Variants in PRH1 observed in about 807,000 individuals in gnomAD.
PRH1 encodes proline rich protein HaeIII subfamily 1.
PRH1 carries 7 observed loss-of-function variants against 7.9 expected under a neutral mutation model. That is an observed-to-expected ratio of 0.89 (90% confidence interval 0.50 to 1.67). The LOEUF is 1.67. Ranked by LOEUF, PRH1 falls within the 40% of genes most tolerant of loss-of-function variation. PRH1 has a pLI of 0.00. For synonymous variants in PRH1, 45 were observed against 80.8 expected, an observed-to-expected ratio of 0.56 and a Z score of 2.38; for missense variants, 109 against 223.6, an observed-to-expected ratio of 0.49 and a Z score of 3.27.
At chr12:10,925,098 A>G (rs1307862666) in intron 2 of PRH1, among the ~76,000 whole-genome samples, 3 of 152,182 alleles carry the variant, frequency 2.0e-5, no homozygotes, top group African/African-American at 7.2e-5. Flanking sequence ...ATTCAACTGT[A>G]AAAGTGGCAA....
At chr12:10,970,937 T>C (rs1938784299) in intron 2 of PRH1, among the ~76,000 whole-genome samples, 1 of 152,252 alleles carries the variant, frequency 6.6e-6, no homozygotes, top group Non-Finnish European at 1.5e-5. Context: ...ACTCTAATAA[T>C]TACAGTTCTA....
intron 1 of PRH1, among the ~76,000 whole-genome samples, chr12:11,111,740 G>T (rs1592035299): frequency 6.6e-6 from 1 of 152,258 alleles, no homozygotes; most frequent in South Asian, 2.1e-4. Flanking sequence ...ACAATTAAAA[G>T]AACTGGAGAA....
chr12:10,980,418 T>A (rs1939298044), intron 1 of PRH1, among the ~76,000 whole-genome samples: 1 of 152,150 alleles, frequency 6.6e-6, no homozygotes, highest in South Asian at 2.1e-4. Context: ...TGAGTCACTA[T>A]CACTCTGAAT....
At chr12:10,980,925 G>A (rs891755879) in intron 1 of PRH1, among the ~76,000 whole-genome samples, 1 of 152,220 alleles carries the variant, frequency 6.6e-6, no homozygotes, top group Non-Finnish European at 1.5e-5. Context: ...CAATGAAGTG[G>A]TGACAACAGC....
At position 11,106,175 on chromosome 12, in the gene PRH1, C is replaced by T. The variant is rs1945408119; in HGVS notation, n.124-58987G>A. 6.3e-5 allele frequency among the ~76,000 whole-genome samples: 3 copies of T among 47,250 alleles called. 1 individual carries two copies. The South Asian group carries it at 1.2e-3, about 18-fold the overall frequency. 31.0% of individuals were successfully genotyped at this position (47,250 alleles called of 152,430 possible). A position where few individuals can be genotyped will look rare whatever the true frequency, so the allele number is the denominator to read the frequency against. The stretch of plus-strand genomic sequence containing the variant: ...CAGGATGGTCTCGATCTCCTGACCT[C>T]GTGATCCGCCCGCCTCGGCCTCCCA... On this transcript the variant is annotated intron_variant and non_coding_transcript_variant, in intron 1 of 4. Transcript: ENST00000541977.
intron 2 of PRH1, among the ~76,000 whole-genome samples, chr12:10,951,535 A>G (rs1008058658): frequency 6.6e-6 from 1 of 152,186 alleles, no homozygotes; most frequent in Non-Finnish European, 1.5e-5. Context: ...CAGTTTCCAA[A>G]ATGGAAAATA....
chr12:11,045,523 C>T (rs567359059), intron 1 of PRH1, among the ~76,000 whole-genome samples: 13 of 152,104 alleles, frequency 8.5e-5, no homozygotes, highest in Non-Finnish European at 1.8e-4. Context: ...ATCAACACAT[C>T]TCATGTACCC....
At chr12:10,935,503 G>A (rs1371000738) in intron 2 of PRH1, among the ~76,000 whole-genome samples, 1 of 152,140 alleles carries the variant, frequency 6.6e-6, no homozygotes, top group Non-Finnish European at 1.5e-5. Context: ...GTTAAAGCCA[G>A]ATAGGGACAA....
intron 2 of PRH1, among the ~76,000 whole-genome samples, chr12:10,900,237 C>T (rs1379727544): frequency 3.9e-5 from 6 of 152,128 alleles, no homozygotes; most frequent in Non-Finnish European, 8.8e-5. Flanking sequence ...ATCTGAGCAA[C>T]CCAGTGCTCA....
At chr12:10,986,112 C>A (rs747228417) in intron 1 of PRH1, 4 of 1,613,918 alleles carry the variant, frequency 2.5e-6, no homozygotes, top group African/African-American at 2.7e-5. Context: ...CCTAGGACTC[C>A]AAACCGAAAC....
At chr12:10,921,102 G>T (rs1427375646) in intron 2 of PRH1, among the ~76,000 whole-genome samples, 1 of 150,932 alleles carries the variant, frequency 6.6e-6, no homozygotes, top group Admixed American at 6.6e-5. Flanking sequence ...CTTTTTTTTA[G>T]CAGTTTTGTG....
chr12:11,030,164 G>A (rs78340693), intron 1 of PRH1, among the ~76,000 whole-genome samples: 59 of 15,904 alleles, frequency 3.7e-3, no homozygotes, highest in East Asian at 0.028. Flanking sequence ...TTGGCAGTTT[G>A]TATGAAAAAA....
chr12:11,049,602 A>T (rs1174810612), upstream of PRH1, among the ~76,000 whole-genome samples: 3 of 152,072 alleles, frequency 2.0e-5, no homozygotes, highest in Non-Finnish European at 4.4e-5. Flanking sequence ...GCATTTTTTT[A>T]ATTGTTTTGC....
At chr12:11,142,029 G>A (rs2136396058) in intron 1 of PRH1, among the ~76,000 whole-genome samples, 1 of 152,172 alleles carries the variant, frequency 6.6e-6, no homozygotes, top group East Asian at 1.9e-4. Context: ...ATGTGCTCAA[G>A]TGGTCCCCTC....
chr12:11,158,081 C>T (rs1413606016), intron 1 of PRH1, among the ~76,000 whole-genome samples: 1 of 152,150 alleles, frequency 6.6e-6, no homozygotes, highest in Non-Finnish European at 1.5e-5. Flanking sequence ...CTATTTTTTC[C>T]CTTTATTCCA....
intron 1 of PRH1, among the ~76,000 whole-genome samples, chr12:11,054,022 TA>T: frequency 2.0e-5 from 3 of 152,262 alleles, no homozygotes; most frequent in Admixed American, 2.0e-4. Flanking sequence ...GGTTTCACTA[TA>T]TTGGCCAGGC....
intron 2 of PRH1, among the ~76,000 whole-genome samples, chr12:10,963,585 C>G (rs1657350941): frequency 6.6e-6 from 1 of 152,018 alleles, no homozygotes; most frequent in Non-Finnish European, 1.5e-5. Flanking sequence ...TATCCGATCT[C>G]AATTTCAAAA....
At chr12:10,997,470 A>T (rs1940335347) in intron 1 of PRH1, 2 of 1,613,140 alleles carry the variant, frequency 1.2e-6, no homozygotes, top group South Asian at 2.2e-5. Flanking sequence ...AAGAACAAAG[A>T]CCCCAACACT....
At chr12:10,997,785 T>G in intron 1 of PRH1, 1 of 1,613,780 alleles carries the variant, frequency 6.2e-7, no homozygotes, top group African/African-American at 1.3e-5. Flanking sequence ...GCAATGAAAT[T>G]TATCAGTGCT....
Sources: allele counts gnomAD v4.1 joint callset (sites outside exome capture counted in the v4.1 genomes callset), GRCh38; gene constraint gnomAD v4.1.1; transcripts MANE v1.5; gene names NCBI Gene and HGNC (gene_info 2026-07-23, HGNC 2026-07-21).